Variants in MYO1E observed in about 807,000 individuals in gnomAD.
The protein encoded by MYO1E is myosin IE, also known as unconventional myosin-Ie.
A neutral mutation model predicts 151.1 loss-of-function variants in MYO1E; 68 were observed. The observed-to-expected ratio is 0.45, with a 90% CI of 0.37 to 0.55. The LOEUF (loss-of-function observed/expected upper bound fraction) is 0.55, where lower values mean the gene tolerates loss of function less well. MYO1E is among the 20% of genes least tolerant of loss of function. The pLI, the probability that MYO1E is intolerant of heterozygous loss-of-function variation, is 0.00. For synonymous variants in MYO1E, 601 were observed against 501.7 expected (o/e 1.20, Z -2.64); for missense variants, 1,363 against 1,389.3 (o/e 0.98, Z 0.30).
intron 26 of MYO1E, 134 bp downstream of exon 26, chr15:59,153,456 G>T: frequency 2.2e-6 from 2 of 927,398 alleles, no homozygotes; most frequent in Non-Finnish European, 1.7e-6. Flanking sequence ...CTTGGGTCCT[G>T]GCATATAGCA....
At chr15:59,236,369 T>TATATACACAC (rs1392466770) in intron 5 of MYO1E, among the ~76,000 whole-genome samples, 13 of 117,748 alleles carry the variant, frequency 1.1e-4, no homozygotes, top group African/African-American at 3.9e-4. Flanking sequence ...AAAAAATATA[T>TATATACACAC]ACACACACAC....
chr15:59,162,206 T>A (rs2079541650), intron 23 of MYO1E, among the ~76,000 whole-genome samples: 1 of 152,126 alleles, frequency 6.6e-6, no homozygotes, highest in Non-Finnish European at 1.5e-5. Context: ...CGGCTAATTT[T>A]TTTTTTATTT....
intron 1 of MYO1E, among the ~76,000 whole-genome samples, chr15:59,327,751 A>C (rs1281653240): frequency 1.3e-5 from 2 of 152,186 alleles, no homozygotes; most frequent in Non-Finnish European, 2.9e-5. Context: ...TTAGGAGGGC[A>C]GCTATAGAGT....
chr15:59,208,175 A>G, intron 14 of MYO1E: 2 of 1,218,328 alleles, frequency 1.6e-6, no homozygotes, highest in Non-Finnish European at 2.3e-6. Flanking sequence ...TGAATTCCTA[A>G]AAGATGGAAA....
chr15:59,308,625 T>C lies in MYO1E; in HGVS notation c.4-36176A>G, dbSNP rs557226307. On this transcript the variant is annotated intron_variant, in intron 1 of 27. Transcript: ENST00000288235. ...AGGTGGAGGTTGCAGTGAGCCGACATTGCACCACTGCTCTCCAGCCTGGGT... is the reference window on the plus strand; with the variant it reads ...AGGTGGAGGTTGCAGTGAGCCGACACTGCACCACTGCTCTCCAGCCTGGGT... Among the ~76,000 whole-genome samples the C allele has an allele frequency of 2.4e-4, 36 of 149,914 alleles. No individual in the cohort carries two copies. The South Asian group carries it at 6.3e-3, about 26-fold the overall frequency.
intron 22 of MYO1E, among the ~76,000 whole-genome samples, chr15:59,164,648 C>A (rs1414901719): frequency 6.6e-6 from 1 of 152,178 alleles, no homozygotes. Flanking sequence ...GAAGGAAACT[C>A]CTGTGGTATC....
At chr15:59,329,422 T>C (rs569858700) in intron 1 of MYO1E, among the ~76,000 whole-genome samples, 2 of 152,326 alleles carry the variant, frequency 1.3e-5, no homozygotes, top group African/African-American at 4.8e-5. Flanking sequence ...GTTCATTAGG[T>C]ACCCAATAGC....
chr15:59,209,759 T>G (rs1443999653), intron 13 of MYO1E, among the ~76,000 whole-genome samples: 1 of 148,608 alleles, frequency 6.7e-6, no homozygotes, highest in Non-Finnish European at 1.5e-5. Flanking sequence ...GGCTTTTATA[T>G]ATATAAAAAA....
At chr15:59,328,822 C>T (rs2080682051) in intron 1 of MYO1E, among the ~76,000 whole-genome samples, 1 of 152,140 alleles carries the variant, frequency 6.6e-6, no homozygotes, top group South Asian at 2.1e-4. Context: ...GGTCCCAGGG[C>T]TACTTCTACC....
At chr15:59,238,663 C>T (rs1388978485) in intron 4 of MYO1E, among the ~76,000 whole-genome samples, 1 of 152,046 alleles carries the variant, frequency 6.6e-6, no homozygotes, top group African/African-American at 2.4e-5. Context: ...TCTCTACCTC[C>T]TAGGTTCAAA....
At chr15:59,303,984 T>TC (rs1335124802) in intron 1 of MYO1E, among the ~76,000 whole-genome samples, 3 of 144,444 alleles carry the variant, frequency 2.1e-5, no homozygotes, top group African/African-American at 7.6e-5. Flanking sequence ...TTTTCTTTCT[T>TC]TTTTTTTTTT....
At chr15:59,138,483 C>T in intron 26 of MYO1E, 116 bp from the exon 27 acceptor site, 1 of 1,124,670 alleles carries the variant, frequency 8.9e-7, no homozygotes, top group East Asian at 2.4e-5. Flanking sequence ...CCAGCTCCAT[C>T]CTTAGAAGAC....
chr15:59,317,176 G>C (rs144244862), intron 1 of MYO1E, among the ~76,000 whole-genome samples: 1 of 152,260 alleles, frequency 6.6e-6, no homozygotes, highest in African/African-American at 2.4e-5. Context: ...CAGATACTTT[G>C]CTATAAGTTG....
rs562182419 is a variant in MYO1E at position 59,153,796 on chromosome 15, A to G, written c.2879-5T>C. On this transcript the variant is annotated splice_polypyrimidine_tract_variant and splice_region_variant and intron_variant, in intron 25 of 27. Transcript: ENST00000288235. ...TGACTCCGTTCTGATGGTATCCTAG[A>G]GAGAGGAACAGAGAAGGAAATAAGG... The G allele has an allele frequency of 2.7e-5, 43 of 1,609,734 alleles. No homozygotes were observed. The South Asian group carries it at 4.7e-4, about 18-fold the overall frequency.
At chr15:59,140,272 A>C (rs1187513738) in intron 26 of MYO1E, among the ~76,000 whole-genome samples, 1 of 152,214 alleles carries the variant, frequency 6.6e-6, no homozygotes, top group Non-Finnish European at 1.5e-5. Context: ...GCCTTAAGTC[A>C]CCATTCATAC....
At position 59,256,438 on chromosome 15, in the gene MYO1E, A is replaced by C. The variant is rs542569890; in HGVS notation, c.238-60T>G. 6.8e-5 allele frequency: 71 copies of C among 1,051,704 alleles called. No homozygotes were observed. The Admixed American group carries it at 1.0e-3, about 15-fold the overall frequency. The allele number at this position is 1,051,704 out of a possible 1,614,324, so 65.1% of individuals were successfully genotyped here. A position where few individuals can be genotyped will look rare whatever the true frequency, so the allele number is the denominator to read the frequency against. ...AATAAAAATTTAAAAATAAAAACAA[A>C]ATCATGGTCAGATAGGCAATACACT... On this transcript the variant is annotated intron_variant, in intron 3 of 27. Coordinates refer to ENST00000288235, the MANE Select transcript of MYO1E (RefSeq NM_004998.4).
chr15:59,306,738 C>T (rs2080516954), intron 1 of MYO1E, among the ~76,000 whole-genome samples: 1 of 152,234 alleles, frequency 6.6e-6, no homozygotes, highest in Non-Finnish European at 1.5e-5. Flanking sequence ...TACTTTCACA[C>T]TCATCATCTC....
chr15:59,288,275 A>T (rs2140394688), intron 1 of MYO1E, among the ~76,000 whole-genome samples: 1 of 152,268 alleles, frequency 6.6e-6, no homozygotes, highest in South Asian at 2.1e-4. Flanking sequence ...TCCTGGGCTC[A>T]AGTGATTCTT....
At chr15:59,201,466 G>A (rs960759142) in intron 16 of MYO1E, among the ~76,000 whole-genome samples, 10 of 147,530 alleles carry the variant, frequency 6.8e-5, no homozygotes, top group South Asian at 4.3e-4. Flanking sequence ...GTGCAATCGC[G>A]CAATCTTGGC....
Sources: gnomAD v4.1 joint callset for allele counts (sites outside exome capture counted in the v4.1 genomes callset) on GRCh38, gnomAD v4.1.1 for gene constraint, MANE v1.5 for transcripts, NCBI Gene and HGNC (gene_info 2026-07-23, HGNC 2026-07-21) for gene names.